The following CFAP53 variants were observed in gnomAD, a reference collection of about 807,000 sequenced individuals.
CFAP53 encodes cilia- and flagella-associated protein 53.
In CFAP53, 62 loss-of-function variants were observed where a neutral mutation model predicts 59.7. The ratio of observed to expected loss-of-function variants is 1.04; its 90% CI spans 0.85 to 1.28. The LOEUF is 1.28. Ranked by LOEUF, CFAP53 falls within the 50% of genes most tolerant of loss-of-function variation. The pLI, the probability that CFAP53 is intolerant of heterozygous loss-of-function variation, is 0.00. For missense variants in CFAP53, 629 were observed against 615.6 expected (o/e 1.02, Z -0.23); for synonymous variants, 218 against 205.7 (o/e 1.06, Z -0.51).
In CFAP53 at chr18:50,243,118, T is replaced by C; in HGVS notation, c.997-2A>G. 6.2e-7 allele frequency: 1 copy of C among 1,601,318 alleles called. No individual in the cohort carries two copies. Among genetic ancestry groups the C allele is most frequent in the Non-Finnish European group, 8.5e-7 (1 of 1,171,258 alleles). ...CTTCTGTTCTCTTATCATATCTTCC[T>C]ATGTAACATAAAAATTCATATTGTT... On this transcript the variant is annotated splice_acceptor_variant, in intron 5 of 7. Coordinates refer to ENST00000398545, the MANE Select transcript of CFAP53 (RefSeq NM_145020.5). LOFTEE classifies it high-confidence loss of function.
At chr18:50,244,681 A>G (rs919226298) in intron 5 of CFAP53, among the ~76,000 whole-genome samples, 1 of 152,144 alleles carries the variant, frequency 6.6e-6, no homozygotes, top group Admixed American at 6.6e-5. Flanking sequence ...AAAGAGCATG[A>G]CAGCCCACTT....
intron 5 of CFAP53, among the ~76,000 whole-genome samples, chr18:50,245,044 C>A (rs1192945349): frequency 8.8e-6 from 1 of 113,358 alleles, no homozygotes; most frequent in Non-Finnish European, 1.7e-5. Flanking sequence ...GCCTGGGTGA[C>A]AGAATGAGAC....
At chr18:50,259,770 G>T (rs563097604) in intron 3 of CFAP53, among the ~76,000 whole-genome samples, 1 of 152,096 alleles carries the variant, frequency 6.6e-6, no homozygotes, top group Non-Finnish European at 1.5e-5. Context: ...GTCCCACTAT[G>T]TTGCCCAGGC....
chr18:50,243,527 C>T (rs1384343937), intron 5 of CFAP53, among the ~76,000 whole-genome samples: 1 of 152,194 alleles, frequency 6.6e-6, no homozygotes, highest in East Asian at 1.9e-4. Flanking sequence ...ATATGAAATC[C>T]TAATCTGATC....
chr18:50,238,505 G>T, intron 7 of CFAP53, 98 bp downstream of exon 7: 1 of 697,938 alleles, frequency 1.4e-6, no homozygotes, highest in Non-Finnish European at 2.4e-6. Flanking sequence ...TCTTTCCTCA[G>T]CCTCCCAAAG....
chr18:50,261,013 T>C (rs1290509733), intron 3 of CFAP53, 51 bp downstream of exon 3: 4 of 1,550,682 alleles, frequency 2.6e-6, no homozygotes, highest in Non-Finnish European at 3.5e-6. Context: ...CTTAAATCTA[T>C]TTTAATGTAC....
rs200363908 is a variant in CFAP53 at position 50,227,409 on chromosome 18, T to A, written c.1517A>T (p.Lys506Met). Residue 506 changes from lysine to methionine, a missense_variant, in exon 8 of 8, where the codon AAG becomes ATG. Lys to Met is a moderately conservative substitution (Grantham distance 95, BLOSUM62 -1). Transcript: ENST00000398545. ...VLPQNIHPMR[K>M]ACPSKLPP ...CGGTGGAAGCTTACTGGGGCATGCC[T>A]TGCGCATGGGATGAATGTTTTGAGG... The A allele has an allele frequency of 1.4e-5, 23 of 1,613,972 alleles. No individual in the cohort carries two copies. In the African/African-American group the frequency reaches 3.1e-4, roughly 22 times the overall value.
At chr18:50,227,983 G>A (rs536805687) in intron 7 of CFAP53, among the ~76,000 whole-genome samples, 77 of 16,250 alleles carry the variant, frequency 4.7e-3, no homozygotes, top group Admixed American at 0.011. Flanking sequence ...TTTTTGAGAC[G>A]GAGTCTCGCT....
intron 2 of CFAP53, 108 bp from the exon 3 acceptor site, chr18:50,261,345 TC>T (rs2033892255): frequency 1.2e-5 from 15 of 1,207,834 alleles, no homozygotes; most frequent in Non-Finnish European, 1.6e-5. Flanking sequence ...AAAAGAAAGA[TC>T]ACTGCAGTCT....
intron 6 of CFAP53, among the ~76,000 whole-genome samples, chr18:50,242,543 G>A (rs942021868): frequency 6.6e-6 from 1 of 152,162 alleles, no homozygotes; most frequent in Non-Finnish European, 1.5e-5. Flanking sequence ...CTGACTTCCC[G>A]AAACTGTATG....
intron 5 of CFAP53, among the ~76,000 whole-genome samples, chr18:50,250,162 T>C (rs1373557876): frequency 2.7e-5 from 4 of 145,984 alleles, no homozygotes; most frequent in Non-Finnish European, 5.9e-5. Flanking sequence ...GAGGCTACAG[T>C]GAGCCATGAT....
chr18:50,248,045 A>G (rs1416456275), intron 5 of CFAP53, among the ~76,000 whole-genome samples: 2 of 151,864 alleles, frequency 1.3e-5, no homozygotes, highest in Non-Finnish European at 2.9e-5. Flanking sequence ...GACAAAAACC[A>G]GGAGTTGGAG....
At chr18:50,264,436 T>C (rs1355852654) in intron 1 of CFAP53, among the ~76,000 whole-genome samples, 2 of 152,254 alleles carry the variant, frequency 1.3e-5, no homozygotes, top group Non-Finnish European at 2.9e-5. Context: ...CTTTGAATCT[T>C]AGTTTTCTCA....
chr18:50,248,930 C>G (rs909302568), intron 5 of CFAP53, among the ~76,000 whole-genome samples: 3 of 151,866 alleles, frequency 2.0e-5, no homozygotes, highest in Admixed American at 1.3e-4. Context: ...TGTGGTAAAT[C>G]TATACCATGA....
At chr18:50,232,101 T>C (rs2033589210) in intron 7 of CFAP53, among the ~76,000 whole-genome samples, 1 of 152,220 alleles carries the variant, frequency 6.6e-6, no homozygotes, top group Non-Finnish European at 1.5e-5. Context: ...GAACTGCTTT[T>C]CATCTCGGCT....
chr18:50,237,251 G>A (rs2033642673), intron 7 of CFAP53, among the ~76,000 whole-genome samples: 1 of 125,172 alleles, frequency 8.0e-6, no homozygotes, highest in Admixed American at 9.3e-5. Flanking sequence ...ATTGCAGTAA[G>A]CCAAGATTAC....
At chr18:50,241,525 A>C (rs148071794) in intron 6 of CFAP53, among the ~76,000 whole-genome samples, 3 of 152,200 alleles carry the variant, frequency 2.0e-5, no homozygotes, top group Non-Finnish European at 4.4e-5. Context: ...CAATATTTCA[A>C]CGTAGGTCCT....
intron 7 of CFAP53, among the ~76,000 whole-genome samples, chr18:50,236,169 T>C (rs1034210830): frequency 1.3e-5 from 2 of 152,172 alleles, no homozygotes; most frequent in African/African-American, 2.4e-5. Flanking sequence ...GTCAGCTCCC[T>C]GCTACCTTGG....
Position 50,261,247 on chromosome 18 carries a change from A to C in CFAP53, c.300-10T>G, listed in dbSNP as rs2033890769. 1.4e-6 allele frequency: 2 copies of C among 1,470,390 alleles called. No homozygotes were observed. The highest frequency in any genetic ancestry group is 3.1e-5 in the African/African-American group (2 of 64,258). The allele number at this position is 1,470,390 out of a possible 1,614,324, so 91.1% of individuals were successfully genotyped here. On this transcript the variant is annotated splice_polypyrimidine_tract_variant and intron_variant, in intron 2 of 7. Transcript: ENST00000398545. ...TAAAAGCTCACGTAGCCTGAAACAAAAAGCCAAAAAAAAAAAAAAAAAAAG... is the reference window on the plus strand; with the variant it reads ...TAAAAGCTCACGTAGCCTGAAACAACAAGCCAAAAAAAAAAAAAAAAAAAG...
Sources: gnomAD v4.1 joint callset for allele counts (sites outside exome capture counted in the v4.1 genomes callset) on GRCh38, gnomAD v4.1.1 for gene constraint, MANE v1.5 for transcripts, NCBI Gene and HGNC (gene_info 2026-07-23, HGNC 2026-07-21) for gene names.